SGK3: variants seen among roughly 807,000 people sequenced by gnomAD.
SGK3 encodes the protein serum/glucocorticoid regulated kinase family member 3.
SGK3 carries 47 observed loss-of-function variants against 68.5 expected under a neutral mutation model. That is an observed-to-expected ratio of 0.69 (90% CI 0.54 to 0.87). SGK3 has a LOEUF of 0.87. SGK3 is among the 40% of genes least tolerant of loss of function. SGK3 has a pLI of 0.00. For missense variants in SGK3, 479 were observed against 575.5 expected, an observed-to-expected ratio of 0.83 and a Z score of 1.72; for synonymous variants, 181 against 189.1, an observed-to-expected ratio of 0.96 and a Z score of 0.35.
chr8:66,835,451 A>C (rs1433785607), intron 8 of SGK3, among the ~76,000 whole-genome samples: 1 of 152,156 alleles, frequency 6.6e-6, no homozygotes, highest in Non-Finnish European at 1.5e-5. Flanking sequence ...TTCTACAGGC[A>C]ATATTTTCTC....
Position 66,836,039 on chromosome 8 carries a change from C to T in SGK3, c.706C>T (p.Leu236Phe). The T allele has an allele frequency of 6.2e-7, 1 of 1,613,292 alleles. No homozygotes were observed. The highest frequency in any genetic ancestry group is 1.1e-5 in the South Asian group (1 of 90,976). The change falls in exon 10 of 17, where the codon CTT becomes TTT. Residue 236 changes from leucine to phenylalanine, a missense_variant. Transcript: ENST00000521198. ...LHYSFQTTEK[L>F]YFVLDFVNGG... Reference sequence around the variant, plus strand: ...TTATTCCTTCCAAACAACTGAAAAGCTTTATTTTGTTCTGGATTTTGTTAA... The same window carrying T: ...TTATTCCTTCCAAACAACTGAAAAGTTTTATTTTGTTCTGGATTTTGTTAA...
At chr8:66,765,939 G>A (rs900153575) in intron 1 of SGK3, among the ~76,000 whole-genome samples, 3 of 151,696 alleles carry the variant, frequency 2.0e-5, no homozygotes, top group Admixed American at 2.0e-4. Flanking sequence ...GCAGGAGAAT[G>A]GCATGAACCT....
chr8:66,822,247 GA>G (rs1399920777), intron 5 of SGK3, 124 bp from the exon 6 acceptor site: 9 of 768,920 alleles, frequency 1.2e-5, no homozygotes, highest in African/African-American at 5.5e-5. Flanking sequence ...AATATTAATG[GA>G]TTCTGTTTTA....
chr8:66,838,406 G>C (rs1287189295), intron 10 of SGK3, among the ~76,000 whole-genome samples: 1 of 152,114 alleles, frequency 6.6e-6, no homozygotes, highest in East Asian at 1.9e-4. Context: ...GGTTCGGAGA[G>C]GTTAAATAAC....
chr8:66,841,062 A>G lies in SGK3; in HGVS notation c.930A>G (p.Glu310=), dbSNP rs953878166. 7 of 1,601,888 alleles carry G rather than the reference A, an allele frequency of 4.4e-6. No homozygotes were observed. The African/African-American group carries it at 5.4e-5, about 12-fold the overall frequency. The change falls in exon 13 of 17, where the codon GAA becomes GAG. Residue 310 remains glutamate, a synonymous_variant. Transcript: ENST00000521198. The part of the protein sequence containing the change: ...VVLTDFGLCK[E]GIAISDTTTT... ...TAACAGATTTTGGGCTTTGTAAAGA[A>G]GGAATTGCTATTTCTGACACCACTA...
intron 1 of SGK3, among the ~76,000 whole-genome samples, chr8:66,745,658 T>C (rs577156710): frequency 3.3e-5 from 5 of 152,276 alleles, no homozygotes; most frequent in Admixed American, 2.6e-4. Context: ...CTTAGTCCAT[T>C]TGTGCTGCTG....
At chr8:66,734,944 CAA>C (rs35047133) in intron 1 of SGK3, among the ~76,000 whole-genome samples, 16 of 91,080 alleles carry the variant, frequency 1.8e-4, no homozygotes, top group Admixed American at 4.9e-4. Context: ...GGCTCCATCT[CAA>C]AAAAAAAAAA....
chr8:66,834,174 G>T (rs962727470), intron 8 of SGK3, among the ~76,000 whole-genome samples: 3 of 151,964 alleles, frequency 2.0e-5, no homozygotes, highest in Admixed American at 2.0e-4. Flanking sequence ...TAATCTATCA[G>T]CAAGAGAGTA....
chr8:66,791,620 C>T (rs1807456150), intron 1 of SGK3, among the ~76,000 whole-genome samples: 1 of 152,200 alleles, frequency 6.6e-6, no homozygotes, highest in Non-Finnish European at 1.5e-5. Flanking sequence ...AGGAATTCTG[C>T]TTCTGTGGGC....
chr8:66,763,542 G>C (rs1806231665), intron 1 of SGK3, among the ~76,000 whole-genome samples: 1 of 151,970 alleles, frequency 6.6e-6, no homozygotes, highest in African/African-American at 2.4e-5. Flanking sequence ...CCATAATCTT[G>C]GTACTAGGGG....
chr8:66,739,956 C>T (rs1343488025), intron 1 of SGK3, among the ~76,000 whole-genome samples: 2 of 152,214 alleles, frequency 1.3e-5, no homozygotes, highest in Non-Finnish European at 2.9e-5. Context: ...AATTACCTAC[C>T]ACTGGGTCCC....
chr8:66,840,881 G>T (rs1200396338), intron 12 of SGK3, 143 bp from the exon 13 acceptor site: 4 of 417,654 alleles, frequency 9.6e-6, no homozygotes, highest in Middle Eastern at 6.8e-4. Context: ...GGCAGAGGTT[G>T]CAGTGAGCCG....
rs200543506 is a variant in SGK3 at position 66,813,849 on chromosome 8, C to A, written c.254-4C>A. 1 of 1,570,974 alleles carries A rather than the reference C, an allele frequency of 6.4e-7. No individual in the cohort carries two copies. The highest frequency in any genetic ancestry group is 1.4e-5 in the African/African-American group (1 of 73,114). Reference sequence around the variant, plus strand: ...AATCCTAATAGTTTATATCTCTCTTCCAGATTTTATTAAACAAAGACGAGC... The same window carrying A: ...AATCCTAATAGTTTATATCTCTCTTACAGATTTTATTAAACAAAGACGAGC... On this transcript the variant is annotated splice_region_variant and splice_polypyrimidine_tract_variant and intron_variant, in intron 4 of 16. Transcript: ENST00000521198.
At chr8:66,850,480 G>A (rs1810234228) in intron 15 of SGK3, among the ~76,000 whole-genome samples, 1 of 152,106 alleles carries the variant, frequency 6.6e-6, no homozygotes, top group African/African-American at 2.4e-5. Context: ...TTGTAACTCT[G>A]TAGTGCTTTA....
intron 1 of SGK3, among the ~76,000 whole-genome samples, chr8:66,782,235 C>T (rs1807018611): frequency 6.6e-6 from 1 of 152,074 alleles, no homozygotes. Context: ...GGTCTATTCT[C>T]TTCTCAGAAA....
chr8:66,854,195 T>C (rs889089561), intron 16 of SGK3, among the ~76,000 whole-genome samples: 2 of 152,250 alleles, frequency 1.3e-5, no homozygotes, highest in African/African-American at 4.8e-5. Flanking sequence ...AAATATTGAC[T>C]ATTCTGCATA....
chr8:66,776,224 A>G (rs529584710), intron 1 of SGK3, among the ~76,000 whole-genome samples: 33 of 152,300 alleles, frequency 2.2e-4, no homozygotes, highest in South Asian at 2.1e-3. Context: ...GTGATCATCC[A>G]CCTTGTTCCA....
At chr8:66,737,522 CT>C (rs942897506) in intron 1 of SGK3, 1 of 152,018 alleles carries the variant, frequency 6.6e-6, no homozygotes, top group African/African-American at 2.4e-5. Context: ...CACTAGCTCT[CT>C]TTGAATGATT....
chr8:66,791,337 T>C (rs1226191856), intron 1 of SGK3, among the ~76,000 whole-genome samples: 2 of 152,176 alleles, frequency 1.3e-5, no homozygotes, highest in Admixed American at 6.5e-5. Flanking sequence ...CTTCTGGACA[T>C]GTGGCTGGGT....
Sources: allele counts gnomAD v4.1 joint callset (sites outside exome capture counted in the v4.1 genomes callset), GRCh38; gene constraint gnomAD v4.1.1; transcripts MANE v1.5; gene names NCBI Gene and HGNC (gene_info 2026-07-23, HGNC 2026-07-21).